TENM3: variants seen among roughly 807,000 people sequenced by gnomAD.
TENM3 encodes teneurin-3.
Under a neutral mutation model 255.1 loss-of-function variants are expected in TENM3, and 63 were observed. The ratio of observed to expected loss-of-function variants is 0.25; its 90% CI spans 0.20 to 0.30. The LOEUF (loss-of-function observed/expected upper bound fraction) is 0.30, where lower values mean the gene tolerates loss of function less well. Among genes scored for constraint, TENM3 ranks in the 10% least tolerant of loss-of-function variants. The pLI is 1.00. For missense variants in TENM3, 2,929 were observed against 3,461.1 expected, an observed-to-expected ratio of 0.85 and a Z score of 3.86; for synonymous variants, 1,306 against 1,322.3, an observed-to-expected ratio of 0.99 and a Z score of 0.27.
intron 3 of TENM3, among the ~76,000 whole-genome samples, chr4:182,471,814 C>T (rs1733152023): frequency 6.6e-6 from 1 of 152,104 alleles, no homozygotes; most frequent in Non-Finnish European, 1.5e-5. Flanking sequence ...GTCTTATTCA[C>T]CTGTTTTCTT....
chr4:181,990,766 C>T, the TENM3 span, among the ~76,000 whole-genome samples: 19 of 152,078 alleles, frequency 1.2e-4, no homozygotes, highest in Non-Finnish European at 1.6e-4. Flanking sequence ...AAATTACTAA[C>T]TAATAATAAT....
chr4:182,399,248 A>C (rs1180364838), intron 3 of TENM3, among the ~76,000 whole-genome samples: 1 of 152,354 alleles, frequency 6.6e-6, no homozygotes, highest in African/African-American at 2.4e-5. Context: ...ATTTTGGTAT[A>C]GGAATGAGTG....
chr4:182,651,840 A>G (rs17073712), intron 5 of TENM3, among the ~76,000 whole-genome samples: 3,087 of 152,286 alleles, frequency 0.02, 48 homozygotes, highest in Non-Finnish European at 0.029. Context: ...TTACTATAGC[A>G]TGCTTTTATA....
At chr4:181,577,464 T>G in the TENM3 span, among the ~76,000 whole-genome samples, 1 of 151,982 alleles carries the variant, frequency 6.6e-6, no homozygotes, top group Non-Finnish European at 1.5e-5. Context: ...TCTGATCAGT[T>G]CTCTCACTGT....
the TENM3 span, among the ~76,000 whole-genome samples, chr4:181,471,320 C>T: frequency 3.9e-5 from 6 of 152,140 alleles, no homozygotes; most frequent in Non-Finnish European, 8.8e-5. Context: ...TTTCAGATTC[C>T]ACATCCACTT....
At chr4:182,712,055 T>A (rs1257732438) in intron 12 of TENM3, among the ~76,000 whole-genome samples, 1 of 152,198 alleles carries the variant, frequency 6.6e-6, no homozygotes, top group Non-Finnish European at 1.5e-5. Context: ...TTATTTCATA[T>A]GGAAGCTTCT....
At chr4:181,806,436 T>C in the TENM3 span, among the ~76,000 whole-genome samples, 1 of 152,264 alleles carries the variant, frequency 6.6e-6, no homozygotes, top group African/African-American at 2.4e-5. Context: ...GTTTGTTCCC[T>C]TCAAATCTCA....
chr4:182,287,003 G>A (rs1760775423), intron 1 of TENM3, among the ~76,000 whole-genome samples: 1 of 152,190 alleles, frequency 6.6e-6, no homozygotes, highest in South Asian at 2.1e-4. Context: ...CAAGGGAGGA[G>A]GATTGCTGAG....
chr4:182,287,299 C>T (rs756125423), intron 1 of TENM3, among the ~76,000 whole-genome samples: 1 of 152,214 alleles, frequency 6.6e-6, no homozygotes, highest in Non-Finnish European at 1.5e-5. Context: ...GGTTCTCTGT[C>T]TCCATCACAC....
At chr4:182,253,006 C>T (rs1315769499) in intron 1 of TENM3, among the ~76,000 whole-genome samples, 1 of 152,120 alleles carries the variant, frequency 6.6e-6, no homozygotes, top group African/African-American at 2.4e-5. Context: ...TGAACTCTGC[C>T]GGCAGACACG....
At chr4:181,587,587 A>T in the TENM3 span, among the ~76,000 whole-genome samples, 1 of 152,198 alleles carries the variant, frequency 6.6e-6, no homozygotes, top group African/African-American at 2.4e-5. Context: ...AAGTTGAGTG[A>T]TGTGGCCAAG....
At position 182,714,089 on chromosome 4, in the gene TENM3, G is replaced by A; in HGVS notation, c.2224G>A (p.Gly742Ser). The change falls in exon 13 of 28, where the codon GGT (glycine) becomes AGT (serine). Residue 742 changes from glycine to serine, a missense_variant and splice_region_variant. By Grantham distance (56) the Gly-to-Ser change is moderately conservative. This residue lies in a region of TENM3 where 1,608 missense variants were observed against 1,884.4 expected (regional missense o/e 0.85). Transcript: ENST00000511685. ...GWNGEHCTIE[G>S]CPGLCNSNGR... is the part of the protein sequence containing the mutation. ...GTTTTCCTTCTTTGTCTCGACAGAGGGTTGTCCTGGTCTGTGCAACAGCAA... is the reference window on the plus strand; with the variant it reads ...GTTTTCCTTCTTTGTCTCGACAGAGAGTTGTCCTGGTCTGTGCAACAGCAA... 1.2e-6 allele frequency: 2 copies of A among 1,612,914 alleles called. No homozygotes were observed. The highest frequency in any genetic ancestry group is 1.7e-6 in the Non-Finnish European group (2 of 1,179,566).
chr4:182,784,495 T>C lies in TENM3; in HGVS notation c.5305-4598T>C, dbSNP rs972109613. On this transcript the variant is annotated intron_variant, in intron 24 of 27. Coordinates refer to ENST00000511685, the MANE Select transcript of TENM3 (RefSeq NM_001080477.4). ...GGACATTTAAGTCTGCAGAGGTTAC[T>C]GCTGTCTTTTTGTTTGTCTGTGCCC... Among the ~76,000 whole-genome samples, 101 of 151,652 alleles carry C rather than the reference T, an allele frequency of 6.7e-4. 1 individual carries two copies. The highest frequency in any genetic ancestry group is 2.4e-3 in the African/African-American group (98 of 41,292).
chr4:182,055,518 T>C, the TENM3 span, among the ~76,000 whole-genome samples: 2 of 152,136 alleles, frequency 1.3e-5, no homozygotes, highest in Non-Finnish European at 2.9e-5. Flanking sequence ...TGATGATCCT[T>C]GCCTCCTTCT....
chr4:182,434,555 C>A (rs767766991), intron 3 of TENM3, among the ~76,000 whole-genome samples: 1 of 151,008 alleles, frequency 6.6e-6, no homozygotes, highest in Non-Finnish European at 1.5e-5. Context: ...CTCAGCTACT[C>A]GGGAGTCTGA....
At chr4:181,690,607 G>T in the TENM3 span, among the ~76,000 whole-genome samples, 1 of 151,820 alleles carries the variant, frequency 6.6e-6, no homozygotes, top group Non-Finnish European at 1.5e-5. Context: ...CATCTGAAAA[G>T]CTTTGCTCAT....
intron 13 of TENM3, among the ~76,000 whole-genome samples, chr4:182,717,604 A>G (rs1759310842): frequency 6.6e-6 from 1 of 152,182 alleles, no homozygotes; most frequent in Non-Finnish European, 1.5e-5. Context: ...CAAGCAATGG[A>G]TTACTAGATT....
At chr4:182,719,256 T>G (rs960240214) in intron 13 of TENM3, among the ~76,000 whole-genome samples, 1 of 122,246 alleles carries the variant, frequency 8.2e-6, no homozygotes, top group Non-Finnish European at 1.7e-5. Flanking sequence ...TTTTTTCTTT[T>G]TTTTTTTTTT....
the TENM3 span, among the ~76,000 whole-genome samples, chr4:181,758,157 A>C: frequency 6.6e-6 from 1 of 152,158 alleles, no homozygotes; most frequent in East Asian, 1.9e-4. Flanking sequence ...GAATGTGACG[A>C]TGGATGGACT....
Sources: gnomAD v4.1 joint callset for allele counts (sites outside exome capture counted in the v4.1 genomes callset) on GRCh38, gnomAD v4.1.1 for gene constraint, gnomAD v4.1.1 regional missense constraint, MANE v1.5 for transcripts, NCBI Gene and HGNC (gene_info 2026-07-23, HGNC 2026-07-21) for gene names.